AKAP6: variants seen among roughly 807,000 people sequenced by gnomAD.
The protein encoded by AKAP6 is A-kinase anchor protein 6.
A neutral mutation model predicts 188.5 loss-of-function variants in AKAP6; 58 were observed. The ratio of observed to expected loss-of-function variants is 0.31; its 90% confidence interval spans 0.25 to 0.38. The LOEUF is 0.38. AKAP6 is among the 10% of genes least tolerant of loss of function. The probability of loss-of-function intolerance (pLI) is 1.00; values close to 1 mark genes in which losing one functional copy is unlikely to be tolerated. For missense variants in AKAP6, 2,710 were observed against 2,740.0 expected, an observed-to-expected ratio of 0.99 and a Z score of 0.24; for synonymous variants, 989 against 998.6, an observed-to-expected ratio of 0.99 and a Z score of 0.18.
chr14:32,787,529 A>C (rs2033459086), intron 12 of AKAP6, among the ~76,000 whole-genome samples: 1 of 152,216 alleles, frequency 6.6e-6, no homozygotes. Flanking sequence ...CCCCCCAAAA[A>C]AATTAAAAGC....
intron 2 of AKAP6, among the ~76,000 whole-genome samples, chr14:32,499,846 A>G (rs913184979): frequency 5.3e-5 from 8 of 152,056 alleles, no homozygotes; most frequent in Non-Finnish European, 1.0e-4. Context: ...TTAACCTAAA[A>G]CTCTGACAAT....
At chr14:32,708,230 G>A (rs979326865) in intron 9 of AKAP6, among the ~76,000 whole-genome samples, 1 of 152,068 alleles carries the variant, frequency 6.6e-6, no homozygotes, top group Non-Finnish European at 1.5e-5. Context: ...GTTGGCAGGA[G>A]AGTTTATTGA....
Position 32,568,808 on chromosome 14 carries a change from C to T in AKAP6, c.2347-8312C>T, listed in dbSNP as rs1413265248. Among the ~76,000 whole-genome samples, 1 of 152,136 alleles carries T rather than the reference C, an allele frequency of 6.6e-6. No homozygotes were observed. The highest frequency in any genetic ancestry group is 1.5e-5 in the Non-Finnish European group (1 of 68,024). On this transcript the variant is annotated intron_variant, in intron 4 of 13. Coordinates refer to ENST00000280979, the MANE Select transcript of AKAP6 (RefSeq NM_004274.5). The surrounding 1 kb of genome is among the most constrained non-coding windows in gnomAD (Gnocchi z 6.2). ...GGTTGTTGTAAGGATTATGTAAGTG[C>T]CTGGTGTGTAGTAAGTGCTCAGTTA...
At chr14:32,693,427 C>T (rs918129476) in intron 8 of AKAP6, 2 of 152,178 alleles carry the variant, frequency 1.3e-5, no homozygotes, top group African/African-American at 4.8e-5. Flanking sequence ...CCTGGAGTCT[C>T]TTCTTGGGAG....
chr14:32,378,220 A>G (rs1888224155), intron 1 of AKAP6, among the ~76,000 whole-genome samples: 1 of 152,202 alleles, frequency 6.6e-6, no homozygotes, highest in South Asian at 2.1e-4. Flanking sequence ...ATTTAGCATC[A>G]CTATAATAAT....
chr14:32,421,567 G>A lies in AKAP6; in HGVS notation c.-34-11893G>A, dbSNP rs2891192. Among the ~76,000 whole-genome samples, 374 of 150,996 alleles carry A rather than the reference G, an allele frequency of 2.5e-3. 4 individuals are homozygous for A. The highest frequency in any genetic ancestry group is 7.8e-3 in the African/African-American group (319 of 41,058). ...TCTCTGATAATCTTTCTTTTTTACC[G>A]AAATCATATTTTCCATGGATGGTGT... On this transcript the variant is annotated intron_variant, in intron 1 of 13. Coordinates refer to ENST00000280979, the MANE Select transcript of AKAP6 (RefSeq NM_004274.5).
intron 7 of AKAP6, among the ~76,000 whole-genome samples, chr14:32,642,745 T>A (rs748734808): frequency 6.6e-6 from 1 of 152,184 alleles, no homozygotes; most frequent in African/African-American, 2.4e-5. Context: ...GAAACCTTAT[T>A]TGAGAATATG....
chr14:32,355,590 A>G (rs1424156487), intron 1 of AKAP6, among the ~76,000 whole-genome samples: 1 of 152,220 alleles, frequency 6.6e-6, no homozygotes, highest in Non-Finnish European at 1.5e-5. Flanking sequence ...ATTGTGATAT[A>G]GTAATATTTG....
chr14:32,459,728 A>G (rs991763803), intron 2 of AKAP6, among the ~76,000 whole-genome samples: 7 of 144,768 alleles, frequency 4.8e-5, no homozygotes, highest in Admixed American at 2.1e-4. Flanking sequence ...TTGTCACCGA[A>G]ATTTGTCAAC....
intron 4 of AKAP6, among the ~76,000 whole-genome samples, chr14:32,550,199 C>T (rs932454382): frequency 6.6e-6 from 1 of 152,166 alleles, no homozygotes. Flanking sequence ...TACAAAAATG[C>T]AGCTAGGTTT....
At chr14:32,696,437 T>A (rs1373467802) in intron 9 of AKAP6, among the ~76,000 whole-genome samples, 2 of 152,222 alleles carry the variant, frequency 1.3e-5, no homozygotes, top group Non-Finnish European at 2.9e-5. Context: ...GGACTAGTAA[T>A]GTTTAACAAA....
At chr14:32,567,035 A>C (rs1884224426) in intron 4 of AKAP6, among the ~76,000 whole-genome samples, 1 of 151,900 alleles carries the variant, frequency 6.6e-6, no homozygotes, top group South Asian at 2.1e-4. Flanking sequence ...CAATCCTCCC[A>C]CCTCAGCTTC....
At chr14:32,590,786 G>A (rs557312556) in intron 5 of AKAP6, among the ~76,000 whole-genome samples, 3 of 152,264 alleles carry the variant, frequency 2.0e-5, no homozygotes, top group South Asian at 2.1e-4. Context: ...TGTTAACTCC[G>A]ATATTTGAAT....
chr14:32,711,176 C>A (rs1891042014), intron 9 of AKAP6, among the ~76,000 whole-genome samples: 1 of 152,018 alleles, frequency 6.6e-6, no homozygotes, highest in African/African-American at 2.4e-5. Context: ...GATCCTCTTG[C>A]CCCAGGTTCT....
chr14:32,688,306 A>G (rs1020985897), intron 8 of AKAP6, among the ~76,000 whole-genome samples: 1 of 152,064 alleles, frequency 6.6e-6, no homozygotes, highest in Non-Finnish European at 1.5e-5. Flanking sequence ...TCATTTTAGT[A>G]TACTGAGGTT....
At chr14:32,788,119 T>C (rs2033485953) in intron 12 of AKAP6, among the ~76,000 whole-genome samples, 1 of 151,100 alleles carries the variant, frequency 6.6e-6, no homozygotes, top group South Asian at 2.1e-4. Flanking sequence ...TGGTATTAAA[T>C]ATAAGAATAT....
chr14:32,374,445 G>T (rs976578458), intron 1 of AKAP6, among the ~76,000 whole-genome samples: 11 of 152,122 alleles, frequency 7.2e-5, no homozygotes, highest in African/African-American at 2.7e-4. Flanking sequence ...GGATGACAAA[G>T]GCTTAGCCAC....
At chr14:32,489,924 G>A (rs1879911449) in intron 2 of AKAP6, among the ~76,000 whole-genome samples, 1 of 152,210 alleles carries the variant, frequency 6.6e-6, no homozygotes, top group Non-Finnish European at 1.5e-5. Context: ...GGCTAAGTCT[G>A]AAAAGAGAGT....
rs1239050277 is a variant in AKAP6, at chr14:32,832,921, C to T, written c.*3116C>T. 1 of 152,610 alleles carries T rather than the reference C, an allele frequency of 6.6e-6. No individual in the cohort carries two copies. The highest frequency in any genetic ancestry group is 2.4e-5 in the African/African-American group (1 of 41,442). 9.5% of individuals were successfully genotyped at this position (152,610 alleles called of 1,614,324 possible). A position where few individuals can be genotyped will look rare whatever the true frequency, so the allele number is the denominator to read the frequency against. On this transcript the variant is annotated 3_prime_UTR_variant, in exon 14 of 14. Coordinates refer to ENST00000280979, the MANE Select transcript of AKAP6 (RefSeq NM_004274.5). ...TGACTGAATGTTAACAGACAGAATT[C>T]TTCACATTAAGGAACTGTCTTCATC... is the stretch of plus-strand genomic sequence containing the variant.
Sources: gnomAD v4.1 joint callset for allele counts (sites outside exome capture counted in the v4.1 genomes callset) on GRCh38, gnomAD v4.1.1 for gene constraint, Gnocchi (gnomAD v3.1) non-coding constraint, MANE v1.5 for transcripts, NCBI Gene and HGNC (gene_info 2026-07-23, HGNC 2026-07-21) for gene names.